Variants in SPARCL1 observed in about 807,000 individuals in gnomAD.
The protein encoded by SPARCL1 is SPARC-like protein 1.
Under a neutral mutation model 67.1 loss-of-function variants are expected in SPARCL1, and 52 were observed. The ratio of observed to expected loss-of-function variants is 0.78; its 90% CI spans 0.62 to 0.98. The LOEUF is 0.98. Ranked by LOEUF, SPARCL1 falls within the 50% of genes least tolerant of loss-of-function variation. The pLI, the probability that SPARCL1 is intolerant of heterozygous loss-of-function variation, is 0.00. For missense variants in SPARCL1, 717 were observed against 782.4 expected (o/e 0.92, Z 1.00); for synonymous variants, 226 against 267.8 (o/e 0.84, Z 1.52).
At chr4:87,513,770 C>T (rs1725470576) in intron 1 of SPARCL1, among the ~76,000 whole-genome samples, 1 of 152,166 alleles carries the variant, frequency 6.6e-6, no homozygotes, top group Admixed American at 6.5e-5. Context: ...TTCAAGCTTC[C>T]CAGGAGCTAG....
At position 87,482,430 on chromosome 4, in the gene SPARCL1, T is replaced by A; in HGVS notation, c.1662A>T (p.Arg554Ser). 6.2e-7 allele frequency: 1 copy of A among 1,613,534 alleles called. No individual in the cohort carries two copies. Among genetic ancestry groups the A allele is most frequent in the Non-Finnish European group, 8.5e-7 (1 of 1,179,864 alleles). ...EHAGYLNEKQ[R>S]NKVKKIYLDE... ...TAACCTGTGGATAACTTACTTTATT[T>A]CTCTGCTTCTCATTTAGATAACCAG... Residue 554 changes from arginine to serine, a missense_variant, in exon 8 of 11, where the codon AGA becomes AGT. By Grantham distance (110) the Arg-to-Ser change is moderately radical. Coordinates refer to ENST00000282470, the MANE Select transcript of SPARCL1 (RefSeq NM_004684.6).
chr4:87,486,220 T>A (rs1483650730), intron 7 of SPARCL1, among the ~76,000 whole-genome samples: 2 of 152,186 alleles, frequency 1.3e-5, no homozygotes, highest in East Asian at 3.8e-4. Context: ...TATATTTCCC[T>A]CTAAACAGTG....
At chr4:87,517,196 C>T (rs1725616252) in intron 1 of SPARCL1, among the ~76,000 whole-genome samples, 1 of 152,064 alleles carries the variant, frequency 6.6e-6, no homozygotes, top group Middle Eastern at 3.2e-3. Context: ...GGGGTATAGA[C>T]ATTTGAATAT....
chr4:87,499,709 G>A (rs1178760215), intron 1 of SPARCL1, 124 bp from the exon 2 acceptor site: 2 of 741,272 alleles, frequency 2.7e-6, no homozygotes, highest in Non-Finnish European at 4.6e-6. Flanking sequence ...TTCTATCTTT[G>A]TGGATTAATA....
rs1724666373 is a variant in SPARCL1, at chr4:87,497,438, GAAATGCACACAAA to G, written c.54+2070_54+2082del. On this transcript the variant is annotated intron_variant, in intron 2 of 10. Transcript: ENST00000282470. ...CATCCGCCTACTGCCCAAGCAGGAA[GAAATGCACACAAA>G]AAATGGCAGCTCTTTTACTTTCAGA... is the stretch of plus-strand genomic sequence containing the variant. Among the ~76,000 whole-genome samples, 3 of 152,162 alleles carry G rather than the reference GAAATGCACACAAA, an allele frequency of 2.0e-5. No individual in the cohort carries two copies. The South Asian group carries it at 6.2e-4, about 31-fold the overall frequency.
chr4:87,480,401 A>G lies in SPARCL1; in HGVS notation c.1788T>C (p.Phe596=), dbSNP rs1343901124. The change falls in exon 9 of 11, where the codon TTT becomes TTC. Residue 596 remains phenylalanine, a synonymous_variant. Coordinates refer to ENST00000282470, the MANE Select transcript of SPARCL1 (RefSeq NM_004684.6). ...HMYVYPVHWQ[F]SELDQHPMDR... ...CCATAGGGTGTTGGTCAAGTTCACTAAACTGCCAGTGCACAGGATACACAT... is the reference window on the plus strand; with the variant it reads ...CCATAGGGTGTTGGTCAAGTTCACTGAACTGCCAGTGCACAGGATACACAT... 6.2e-7 allele frequency: 1 copy of G among 1,608,290 alleles called. No individual in the cohort carries two copies. The highest frequency in any genetic ancestry group is 1.7e-5 in the Admixed American group (1 of 59,538).
chr4:87,503,529 T>C (rs2110240177), intron 1 of SPARCL1, among the ~76,000 whole-genome samples: 1 of 152,332 alleles, frequency 6.6e-6, no homozygotes, highest in South Asian at 2.1e-4. Flanking sequence ...TGTATATGTT[T>C]CATCTCCATT....
In SPARCL1 at chr4:87,479,538, G is replaced by C. The variant is rs772004563; in HGVS notation, c.1858C>G (p.Leu620Val). 1.2e-6 allele frequency: 2 copies of C among 1,614,118 alleles called. No homozygotes were observed. The highest frequency in any genetic ancestry group is 2.2e-5 in the East Asian group (1 of 44,890). ...GTTATGCAGTGTTCCATGGGCACCA[G>C]AGATGCTCGCAGAGGAGCAAGTTCA... The part of the protein sequence containing the change: ...HSELAPLRAS[L>V]VPMEHCITRF... The change falls in exon 10 of 11, where the codon CTG becomes GTG. Residue 620 changes from leucine to valine, a missense_variant. Physicochemically the swap from Leu to Val is conservative, Grantham distance 32 (BLOSUM62 1). Coordinates refer to ENST00000282470, the MANE Select transcript of SPARCL1 (RefSeq NM_004684.6).
At chr4:87,484,231 C>T (rs1277182234) in intron 7 of SPARCL1, among the ~76,000 whole-genome samples, 2 of 152,120 alleles carry the variant, frequency 1.3e-5, no homozygotes, top group Non-Finnish European at 2.9e-5. Flanking sequence ...ATGTTTAAGT[C>T]TTTAATCCAT....
chr4:87,478,237 CTTAT>C (rs975691898), intron 10 of SPARCL1, among the ~76,000 whole-genome samples: 1 of 151,898 alleles, frequency 6.6e-6, no homozygotes, highest in African/African-American at 2.4e-5. Flanking sequence ...TGGTATTTTT[CTTAT>C]TTATTTATTT....
In SPARCL1 at chr4:87,491,621, C is replaced by A. The variant is rs558854216; in HGVS notation, c.1288G>T (p.Val430Leu). The stretch of plus-strand genomic sequence containing the variant: ...AGCTTGCTTCATGCATACTCACCCA[C>A]AGCATGCACCCTCATGTTGCCTTCA... ...SSEGNMRVHA[V>L]DSCMSFQCKR... The change falls in exon 5 of 11, where the codon GTG (valine) becomes TTG (leucine). Residue 430 changes from valine (V) to leucine (L), a missense_variant. By Grantham distance (32) the Val-to-Leu change is conservative. Coordinates refer to ENST00000282470, the MANE Select transcript of SPARCL1 (RefSeq NM_004684.6). 1 of 1,609,694 alleles carries A rather than the reference C, an allele frequency of 6.2e-7. No individual in the cohort carries two copies. Among genetic ancestry groups the A allele is most frequent in the Non-Finnish European group, 8.5e-7 (1 of 1,176,062 alleles).
intron 1 of SPARCL1, among the ~76,000 whole-genome samples, chr4:87,504,190 T>TGGGGGG (rs1724981733): frequency 2.4e-4 from 4 of 16,818 alleles, no homozygotes; most frequent in Non-Finnish European, 4.0e-4. Context: ...TGTGGTGGGG[T>TGGGGGG]GGGGGTGGGA....
At chr4:87,510,527 C>T (rs1725303169) in intron 1 of SPARCL1, among the ~76,000 whole-genome samples, 2 of 152,146 alleles carry the variant, frequency 1.3e-5, no homozygotes, top group African/African-American at 2.4e-5. Flanking sequence ...AGCCTGATGT[C>T]GAGAAGAAGC....
Position 87,493,911 on chromosome 4 carries a change from C to G in SPARCL1, c.889G>C (p.Glu297Gln). 6.2e-7 allele frequency: 1 copy of G among 1,614,174 alleles called. No individual in the cohort carries two copies. The highest frequency in any genetic ancestry group is 8.5e-7 in the Non-Finnish European group (1 of 1,180,016). Residue 297 changes from glutamate to glutamine, a missense_variant, in exon 4 of 11, where the codon GAG becomes CAG. Physicochemically the swap from Glu to Gln is conservative, Grantham distance 29 (BLOSUM62 2). Transcript: ENST00000282470. ...ATAGCTTCTAGGCCAGTTTTACCCT[C>G]TTGACTCTGCCATTCAGTTTCTTGA... ...HIQETEWQSQ[E>Q]GKTGLEAISN...
chr4:87,502,846 G>A (rs1724907159), intron 1 of SPARCL1, among the ~76,000 whole-genome samples: 2 of 152,306 alleles, frequency 1.3e-5, no homozygotes, highest in Admixed American at 1.3e-4. Flanking sequence ...AGCATTGGAG[G>A]GCTTCCAAGG....
chr4:87,523,685 T>C (rs923861021), intron 1 of SPARCL1, among the ~76,000 whole-genome samples: 3 of 152,196 alleles, frequency 2.0e-5, no homozygotes, highest in Admixed American at 6.5e-5. Flanking sequence ...AATTGTTTCA[T>C]GAAATGTGAG....
intron 10 of SPARCL1, 141 bp downstream of exon 10, chr4:87,479,289 A>T: frequency 1.3e-6 from 1 of 788,192 alleles, no homozygotes; most frequent in Admixed American, 2.3e-5. Context: ...GCACCAAGGG[A>T]GTCCTATCTG....
chr4:87,523,124 G>A (rs548978560), intron 1 of SPARCL1, among the ~76,000 whole-genome samples: 4 of 152,096 alleles, frequency 2.6e-5, no homozygotes, highest in Non-Finnish European at 4.4e-5. Context: ...AGCCAGGCGT[G>A]GTGGTGCACA....
chr4:87,490,651 G>T, intron 6 of SPARCL1, 109 bp downstream of exon 6: 1 of 793,910 alleles, frequency 1.3e-6, no homozygotes, highest in Non-Finnish European at 2.0e-6. Flanking sequence ...ATAACCAAAT[G>T]ATAACCTAGG....
Sources: allele counts gnomAD v4.1 joint callset (sites outside exome capture counted in the v4.1 genomes callset), GRCh38; gene constraint gnomAD v4.1.1; transcripts MANE v1.5; gene names NCBI Gene and HGNC (gene_info 2026-07-23, HGNC 2026-07-21).